The following TMPRSS15 variants were observed in gnomAD, a reference collection of about 807,000 sequenced individuals.
The protein encoded by TMPRSS15 is enteropeptidase.
Under a neutral mutation model 125.3 loss-of-function variants are expected in TMPRSS15, and 128 were observed. The observed-to-expected ratio is 1.02, with a 90% CI of 0.89 to 1.18. The LOEUF is 1.18. TMPRSS15 is among the 50% of genes most tolerant of loss of function. The pLI, the probability that TMPRSS15 is intolerant of heterozygous loss-of-function variation, is 0.00. For missense variants in TMPRSS15, 1,283 were observed against 1,212.7 expected, an observed-to-expected ratio of 1.06 and a Z score of -0.86; for synonymous variants, 446 against 423.2, an observed-to-expected ratio of 1.05 and a Z score of -0.66.
intron 1 of TMPRSS15, among the ~76,000 whole-genome samples, chr21:18,417,203 G>A (rs953736576): frequency 1.3e-5 from 2 of 151,944 alleles, no homozygotes; most frequent in Admixed American, 6.6e-5. Context: ...ATTTTAAATT[G>A]TCTATTACCT....
rs960167061 is a variant in TMPRSS15 at position 18,336,026 on chromosome 21, T to C, written c.1565-3853A>G. On this transcript the variant is annotated intron_variant, in intron 13 of 24. Transcript: ENST00000284885. ...TATGCCAATAGGGATTTCCACTGCA[T>C]ATACTATGTAAATAACATGCAGTAT... Among the ~76,000 whole-genome samples, 3 of 151,926 alleles carry C rather than the reference T, an allele frequency of 2.0e-5. No individual in the cohort carries two copies. The South Asian group carries it at 6.2e-4, about 32-fold the overall frequency.
chr21:18,302,987 C>A (rs1022219719), intron 18 of TMPRSS15, among the ~76,000 whole-genome samples: 4 of 152,170 alleles, frequency 2.6e-5, no homozygotes, highest in Non-Finnish European at 4.4e-5. Context: ...TTTCTCAGTG[C>A]ATTATCACTT....
intron 23 of TMPRSS15, among the ~76,000 whole-genome samples, chr21:18,276,454 A>G (rs1249479827): frequency 6.6e-6 from 1 of 152,212 alleles, no homozygotes; most frequent in Non-Finnish European, 1.5e-5. Context: ...TGCAGAGATT[A>G]AAATGGAGGA....
chr21:18,342,012 G>A (rs762206473), intron 12 of TMPRSS15, among the ~76,000 whole-genome samples: 6 of 152,258 alleles, frequency 3.9e-5, no homozygotes, highest in Non-Finnish European at 7.4e-5. Context: ...TGAAGGGGAC[G>A]AGAGAGAGTA....
intron 1 of TMPRSS15, among the ~76,000 whole-genome samples, chr21:18,423,796 CTG>C (rs1216001435): frequency 6.6e-6 from 1 of 152,046 alleles, no homozygotes; most frequent in Non-Finnish European, 1.5e-5. Context: ...CTCTATGAAA[CTG>C]AGAAAATACT....
At chr21:18,466,975 C>G (rs536003164) in intron 1 of TMPRSS15, among the ~76,000 whole-genome samples, 2 of 152,268 alleles carry the variant, frequency 1.3e-5, no homozygotes, top group East Asian at 3.9e-4. Flanking sequence ...TTTATTGCAG[C>G]ACTGTTCACA....
intron 1 of TMPRSS15, among the ~76,000 whole-genome samples, chr21:18,428,862 C>T (rs538196262): frequency 4.5e-4 from 68 of 152,288 alleles, no homozygotes; most frequent in Non-Finnish European, 9.6e-4. Context: ...CCTAGTGGAG[C>T]TGTGAGAAGA....
intron 1 of TMPRSS15, among the ~76,000 whole-genome samples, chr21:18,462,203 GAAAT>G (rs1405331839): frequency 6.6e-6 from 1 of 152,022 alleles, no homozygotes; most frequent in South Asian, 2.1e-4. Flanking sequence ...GGTCTTTTGA[GAAAT>G]AAAATCTTGA....
rs533071823 is a variant in TMPRSS15, at chr21:18,358,575, A to G, written c.880+1182T>C. ...CTTACCATGAGTTCACATGTTTTAT[A>G]TATACTCATTATGATATTTTTACTT... On this transcript the variant is annotated intron_variant, in intron 8 of 24. Transcript: ENST00000284885. Among the ~76,000 whole-genome samples, 5 of 152,028 alleles carry G rather than the reference A, an allele frequency of 3.3e-5. 1 individual carries two copies. The South Asian group carries it at 1.0e-3, about 31-fold the overall frequency.
At chr21:18,352,305 A>G (rs1437189289) in intron 10 of TMPRSS15, among the ~76,000 whole-genome samples, 2 of 152,072 alleles carry the variant, frequency 1.3e-5, no homozygotes, top group East Asian at 3.9e-4. Flanking sequence ...TGAAAAATGT[A>G]CTTAGAAATC....
At chr21:18,373,232 T>C (rs2147048742) in intron 5 of TMPRSS15, among the ~76,000 whole-genome samples, 1 of 152,262 alleles carries the variant, frequency 6.6e-6, no homozygotes, top group South Asian at 2.1e-4. Context: ...AATGCCCATG[T>C]CAATGAATCT....
chr21:18,413,349 TTCC>T (rs2076172106), intron 1 of TMPRSS15, among the ~76,000 whole-genome samples: 3 of 140,712 alleles, frequency 2.1e-5, no homozygotes, highest in Non-Finnish European at 3.1e-5. Flanking sequence ...CCTTCCTTCC[TTCC>T]TTCCTTCCTT....
intron 1 of TMPRSS15, among the ~76,000 whole-genome samples, chr21:18,413,387 ATCTTTCTTCTT>A: frequency 1.6e-5 from 1 of 62,868 alleles, no homozygotes; most frequent in African/African-American, 6.6e-5. Context: ...CTTTCTTTCT[ATCTTTCTTCTT>A]TCTTTCTTTC....
intron 18 of TMPRSS15, 64 bp downstream of exon 18, chr21:18,312,881 C>G: frequency 6.3e-7 from 1 of 1,594,334 alleles, no homozygotes; most frequent in South Asian, 1.1e-5. Context: ...CTTATTAAAC[C>G]TAATTTGATA....
chr21:18,300,725 A>G (rs183426991), intron 18 of TMPRSS15, among the ~76,000 whole-genome samples: 3 of 152,324 alleles, frequency 2.0e-5, no homozygotes, highest in Admixed American at 2.0e-4. Context: ...ATTATTTGTA[A>G]ATATTTTTTA....
intron 24 of TMPRSS15, among the ~76,000 whole-genome samples, chr21:18,272,784 T>G (rs2074574866): frequency 6.6e-6 from 1 of 152,172 alleles, no homozygotes; most frequent in African/African-American, 2.4e-5. Context: ...TTTAAAAATA[T>G]GCATGAATTT....
intron 18 of TMPRSS15, among the ~76,000 whole-genome samples, chr21:18,305,087 C>T (rs995121128): frequency 6.6e-6 from 1 of 151,734 alleles, no homozygotes; most frequent in Non-Finnish European, 1.5e-5. Context: ...ACCTGAATTA[C>T]CTGAAGGACT....
Position 18,384,937 on chromosome 21 carries a change from C to T in TMPRSS15, c.345-1159G>A, listed in dbSNP as rs143037517. The stretch of plus-strand genomic sequence containing the variant: ...TTTTCTTCCATGACTGGATATAGAA[C>T]TAGAATATTCCTGAAAGATCACAGT... On this transcript the variant is annotated intron_variant, in intron 3 of 24. Transcript: ENST00000284885. Among the ~76,000 whole-genome samples, 471 of 152,222 alleles carry T rather than the reference C, an allele frequency of 3.1e-3. 1 individual carries two copies. The highest frequency in any genetic ancestry group is 0.011 in the African/African-American group (451 of 41,536).
At position 18,419,763 on chromosome 21, in the gene TMPRSS15, G is replaced by T. The variant is rs552818983; in HGVS notation, c.11-21434C>A. 2.2e-4 allele frequency among the ~76,000 whole-genome samples: 33 copies of T among 152,228 alleles called. No homozygotes were observed. The South Asian group carries it at 6.8e-3, about 32-fold the overall frequency. ...GCATCTGTAGTCGTTCCTGTAGGTG[G>T]AAAATACATCCTGCCCTGGTATGTG... On this transcript the variant is annotated intron_variant, in intron 1 of 7. Transcript: ENST00000422787.
Sources: allele counts gnomAD v4.1 joint callset (sites outside exome capture counted in the v4.1 genomes callset), GRCh38; gene constraint gnomAD v4.1.1; transcripts MANE v1.5; gene names NCBI Gene and HGNC (gene_info 2026-07-23, HGNC 2026-07-21).